The following WWOX variants were observed in gnomAD, a reference collection of about 807,000 sequenced individuals.
WWOX encodes WW domain containing oxidoreductase, also known as WW domain-containing oxidoreductase.
Under a neutral mutation model 46.2 loss-of-function variants are expected in WWOX, and 69 were observed. The ratio of observed to expected loss-of-function variants is 1.49; its 90% CI spans 1.23 to 1.82. The LOEUF (loss-of-function observed/expected upper bound fraction) is 1.82, where lower values mean the gene tolerates loss of function less well. Among genes scored for constraint, WWOX ranks in the 40% most tolerant of loss-of-function variants. WWOX has a pLI of 0.00. For missense variants in WWOX, 919 were observed against 542.6 expected (o/e 1.69, Z -6.89); for synonymous variants, 359 against 202.6 (o/e 1.77, Z -6.56).
At chr16:78,170,090 A>C (rs9927200) in intron 5 of WWOX, among the ~76,000 whole-genome samples, 82,619 of 151,764 alleles carry the variant, frequency 0.54, 22,682 homozygotes, top group East Asian at 0.76. Flanking sequence ...TGAGTCTATT[A>C]CCCTCTCATA....
chr16:78,282,650 G>A (rs973816167), intron 5 of WWOX, among the ~76,000 whole-genome samples: 1 of 152,016 alleles, frequency 6.6e-6, no homozygotes, highest in Non-Finnish European at 1.5e-5. Flanking sequence ...GCCTAGGTGC[G>A]CAGATTACAA....
intron 8 of WWOX, among the ~76,000 whole-genome samples, chr16:79,029,906 T>C (rs2656645): frequency 0.72 from 109,237 of 152,046 alleles, 39,517 homozygotes; most frequent in East Asian, 0.91. Context: ...CATAAACGCA[T>C]ATGGTCACTT....
At chr16:79,145,476 A>C (rs1266755370) in intron 8 of WWOX, among the ~76,000 whole-genome samples, 1 of 152,194 alleles carries the variant, frequency 6.6e-6, no homozygotes, top group Non-Finnish European at 1.5e-5. Context: ...TGTTGAGATT[A>C]CAGTTATGAG....
At chr16:79,108,379 C>A (rs1469394473) in intron 8 of WWOX, among the ~76,000 whole-genome samples, 1 of 152,216 alleles carries the variant, frequency 6.6e-6, no homozygotes, top group Non-Finnish European at 1.5e-5. Context: ...CACATCCATG[C>A]ATTTTTCTGG....
intron 5 of WWOX, among the ~76,000 whole-genome samples, chr16:78,215,495 G>C (rs750773970): frequency 6.6e-6 from 1 of 152,166 alleles, no homozygotes. Context: ...TGCGAAGAAG[G>C]TGCTTGCTTC....
chr16:78,747,777 C>T (rs749727358), intron 8 of WWOX, among the ~76,000 whole-genome samples: 1 of 152,192 alleles, frequency 6.6e-6, no homozygotes, highest in Non-Finnish European at 1.5e-5. Flanking sequence ...TGCAGCTTGG[C>T]AGAGCATGGA....
intron 3 of WWOX, among the ~76,000 whole-genome samples, chr16:78,114,138 C>T (rs560761627): frequency 3.2e-4 from 47 of 149,168 alleles, no homozygotes; most frequent in African/African-American, 1.1e-3. Context: ...TGGTCTGTCA[C>T]CCAGGCTAGA....
At chr16:78,826,583 C>T (rs916194819) in intron 8 of WWOX, among the ~76,000 whole-genome samples, 1 of 152,192 alleles carries the variant, frequency 6.6e-6, no homozygotes. Context: ...TCAAATCTCC[C>T]TCTACCTTTC....
At chr16:78,987,647 G>A (rs989851245) in intron 8 of WWOX, among the ~76,000 whole-genome samples, 1 of 152,126 alleles carries the variant, frequency 6.6e-6, no homozygotes, top group East Asian at 1.9e-4. Flanking sequence ...TTGCATGATG[G>A]TGCATATGTC....
chr16:78,845,834 G>T (rs2151174156), intron 8 of WWOX, among the ~76,000 whole-genome samples: 1 of 152,236 alleles, frequency 6.6e-6, no homozygotes, highest in East Asian at 1.9e-4. Context: ...ACATGGAGCT[G>T]AGAGTGAATA....
At chr16:78,233,283 G>A (rs932220221) in intron 5 of WWOX, among the ~76,000 whole-genome samples, 6 of 148,748 alleles carry the variant, frequency 4.0e-5, no homozygotes, top group African/African-American at 1.5e-4. Flanking sequence ...AATCATAATA[G>A]CCACGTAGAG....
intron 5 of WWOX, among the ~76,000 whole-genome samples, chr16:78,359,417 A>G (rs1247063808): frequency 6.6e-6 from 1 of 152,202 alleles, no homozygotes; most frequent in Admixed American, 6.5e-5. Flanking sequence ...CACACTAATC[A>G]TGAGAGCCCC....
At chr16:78,757,331 AGC>A (rs1567539893) in intron 8 of WWOX, among the ~76,000 whole-genome samples, 1 of 43,366 alleles carries the variant, frequency 2.3e-5, no homozygotes, top group African/African-American at 4.0e-5. Flanking sequence ...CACCTACCCC[AGC>A]ACCCCAGCAC....
intron 8 of WWOX, among the ~76,000 whole-genome samples, chr16:78,764,452 G>C (rs1003347005): frequency 2.0e-5 from 3 of 150,498 alleles, no homozygotes; most frequent in East Asian, 2.0e-4. Context: ...GCTTCTTCTG[G>C]GAGTGGGTTT....
rs149513593 is a variant in WWOX, at chr16:78,834,881, CTGTT to C, written c.1057-376723_1057-376720del. Among the ~76,000 whole-genome samples, 740 of 152,194 alleles carry C rather than the reference CTGTT, an allele frequency of 4.9e-3. 5 individuals carry two copies. The highest frequency in any genetic ancestry group is 0.017 in the African/African-American group (707 of 41,512). On this transcript the variant is annotated intron_variant, in intron 8 of 8. Transcript: ENST00000566780. The stretch of plus-strand genomic sequence containing the variant: ...CGTAATGACATTATTATGATAATGA[CTGTT>C]TGTAATAATCATGCGTACCACCTTA...
At chr16:78,781,057 C>T (rs1415375131) in intron 8 of WWOX, among the ~76,000 whole-genome samples, 1 of 152,096 alleles carries the variant, frequency 6.6e-6, no homozygotes, top group African/African-American at 2.4e-5. Context: ...GCAGCTGCAA[C>T]CTCAAAACAG....
intron 8 of WWOX, among the ~76,000 whole-genome samples, chr16:78,846,663 C>G (rs898041220): frequency 3.3e-5 from 5 of 152,154 alleles, no homozygotes; most frequent in African/African-American, 9.7e-5. Flanking sequence ...AACGTGGTAT[C>G]TGCCAGATTT....
At chr16:79,111,766 A>G (rs182466009) in intron 8 of WWOX, among the ~76,000 whole-genome samples, 1 of 152,298 alleles carries the variant, frequency 6.6e-6, no homozygotes, top group Non-Finnish European at 1.5e-5. Context: ...TTAGAATTTC[A>G]TCCAAAGAAC....
At chr16:79,183,911 C>T (rs966542854) in intron 8 of WWOX, among the ~76,000 whole-genome samples, 3 of 152,198 alleles carry the variant, frequency 2.0e-5, no homozygotes, top group South Asian at 2.1e-4. Flanking sequence ...CTTAGAGCTT[C>T]GAGACCTGCC....
Sources: allele counts gnomAD v4.1 joint callset (sites outside exome capture counted in the v4.1 genomes callset), GRCh38; gene constraint gnomAD v4.1.1; transcripts MANE v1.5; gene names NCBI Gene and HGNC (gene_info 2026-07-23, HGNC 2026-07-21).